ATP8B4: variants seen among roughly 807,000 people sequenced by gnomAD.
The protein encoded by ATP8B4 is probable phospholipid-transporting ATPase IM.
In ATP8B4, 133 loss-of-function variants were observed where a neutral mutation model predicts 145.6. The ratio of observed to expected loss-of-function variants is 0.91; its 90% confidence interval spans 0.79 to 1.05. The LOEUF (loss-of-function observed/expected upper bound fraction) is 1.05. ATP8B4 is among the 50% of genes least tolerant of loss of function. The probability of loss-of-function intolerance (pLI) is 0.00; values close to 1 mark genes in which losing one functional copy is unlikely to be tolerated. For synonymous variants in ATP8B4, 507 were observed against 492.9 expected, an observed-to-expected ratio of 1.03 and a Z score of -0.38; for missense variants, 1,458 against 1,425.2, an observed-to-expected ratio of 1.02 and a Z score of -0.37.
rs552795189 is a variant in ATP8B4, at chr15:49,859,649, G to C, written c.*545C>G. The C allele has an allele frequency of 6.6e-6, 1 of 152,644 alleles. No homozygotes were observed. The highest frequency in any genetic ancestry group is 2.1e-4 in the South Asian group (1 of 4,836). The allele number at this position is 152,644 out of a possible 1,614,324, so 9.5% of individuals were successfully genotyped here. Reference sequence around the variant, plus strand: ...TCTTCAGGCTTGGAAGCCATTTGTTGTCCTGGCTGAACAGACAGGTAGATA... The same window carrying C: ...TCTTCAGGCTTGGAAGCCATTTGTTCTCCTGGCTGAACAGACAGGTAGATA... On this transcript the variant is annotated 3_prime_UTR_variant, in exon 28 of 28. Coordinates refer to ENST00000284509, the MANE Select transcript of ATP8B4 (RefSeq NM_024837.4).
intron 7 of ATP8B4, among the ~76,000 whole-genome samples, chr15:50,005,097 T>C (rs901641237): frequency 6.6e-6 from 1 of 152,190 alleles, no homozygotes; most frequent in Non-Finnish European, 1.5e-5. Flanking sequence ...GAACCACCTA[T>C]CATATGCCCC....
At chr15:49,889,376 C>T (rs1210823361) in intron 23 of ATP8B4, among the ~76,000 whole-genome samples, 2 of 152,156 alleles carry the variant, frequency 1.3e-5, no homozygotes, top group Non-Finnish European at 2.9e-5. Context: ...GTTCTTTGTT[C>T]CCGCTGCTTC....
At chr15:50,056,602 G>A (rs945702401) in intron 3 of ATP8B4, among the ~76,000 whole-genome samples, 1 of 151,946 alleles carries the variant, frequency 6.6e-6, no homozygotes, top group East Asian at 1.9e-4. Context: ...AATCCTTTGG[G>A]CTATGAGAAA....
At chr15:49,934,212 C>A (rs964445400) in intron 14 of ATP8B4, 30 bp from the exon 15 acceptor site, 1 of 1,570,448 alleles carries the variant, frequency 6.4e-7, no homozygotes, top group Non-Finnish European at 8.6e-7. Flanking sequence ...ACAAAAATAA[C>A]CAAAACCTCA....
At chr15:50,017,867 G>A (rs747780657) in intron 6 of ATP8B4, among the ~76,000 whole-genome samples, 2 of 152,206 alleles carry the variant, frequency 1.3e-5, no homozygotes, top group Non-Finnish European at 2.9e-5. Flanking sequence ...TATTAGGTTT[G>A]CAGTAATACT....
intron 8 of ATP8B4, among the ~76,000 whole-genome samples, chr15:49,997,683 T>C (rs1161136741): frequency 1.3e-5 from 2 of 152,144 alleles, no homozygotes; most frequent in Admixed American, 1.3e-4. Context: ...TAACTCATTT[T>C]AGACAGCCAA....
intron 19 of ATP8B4, among the ~76,000 whole-genome samples, chr15:49,918,334 T>C (rs1489053588): frequency 6.6e-6 from 1 of 152,210 alleles, no homozygotes; most frequent in Non-Finnish European, 1.5e-5. Flanking sequence ...GTAGTAGTTA[T>C]TAAAATACCA....
At chr15:50,164,544 C>G (rs1172187018) in intron 1 of ATP8B4, among the ~76,000 whole-genome samples, 1 of 152,158 alleles carries the variant, frequency 6.6e-6, no homozygotes, top group Non-Finnish European at 1.5e-5. Flanking sequence ...CAAACAATCT[C>G]TCTACTGTAC....
chr15:50,074,799 A>G (rs2054072393), intron 2 of ATP8B4, among the ~76,000 whole-genome samples: 1 of 152,216 alleles, frequency 6.6e-6, no homozygotes, highest in Non-Finnish European at 1.5e-5. Flanking sequence ...CAATAAACCT[A>G]AAGATTATGA....
chr15:50,172,996 C>A (rs1201608215), intron 1 of ATP8B4, among the ~76,000 whole-genome samples: 1 of 150,000 alleles, frequency 6.7e-6, no homozygotes, highest in East Asian at 2.0e-4. Flanking sequence ...GGCCAGCCGC[C>A]CCGTCCGGGA....
intron 5 of ATP8B4, among the ~76,000 whole-genome samples, chr15:50,043,178 G>A (rs1454807823): frequency 6.6e-6 from 1 of 152,142 alleles, no homozygotes; most frequent in Non-Finnish European, 1.5e-5. Flanking sequence ...GTTATTGAGG[G>A]GGCACATGCA....
chr15:49,972,507 A>ATT, intron 13 of ATP8B4, 75 bp downstream of exon 13: 1 of 1,405,898 alleles, frequency 7.1e-7, no homozygotes, highest in Non-Finnish European at 9.7e-7. Flanking sequence ...GGATTTTTAA[A>ATT]TTTTTTTTTA....
intron 13 of ATP8B4, among the ~76,000 whole-genome samples, chr15:49,962,515 C>T (rs2044171318): frequency 6.6e-6 from 1 of 152,174 alleles, no homozygotes; most frequent in African/African-American, 2.4e-5. Flanking sequence ...AGTCAGAAAA[C>T]ATAGCCACCC....
intron 13 of ATP8B4, among the ~76,000 whole-genome samples, chr15:49,965,513 C>A (rs1454831582): frequency 6.6e-6 from 1 of 152,140 alleles, no homozygotes; most frequent in Non-Finnish European, 1.5e-5. Flanking sequence ...TGCAAAACGG[C>A]CAGCGTTGGG....
At chr15:50,073,545 A>G (rs1208969045) in intron 3 of ATP8B4, among the ~76,000 whole-genome samples, 1 of 152,218 alleles carries the variant, frequency 6.6e-6, no homozygotes, top group Non-Finnish European at 1.5e-5. Flanking sequence ...TGTTGCAATA[A>G]ACATACATGT....
intron 16 of ATP8B4, 67 bp from the exon 17 acceptor site, chr15:49,923,561 A>C: frequency 8.8e-7 from 1 of 1,139,534 alleles, no homozygotes; most frequent in South Asian, 1.4e-5. Context: ...AGATTCTCCC[A>C]GAGCTCCAGC....
At chr15:49,910,488 G>A (rs2039113390) in intron 20 of ATP8B4, among the ~76,000 whole-genome samples, 1 of 152,108 alleles carries the variant, frequency 6.6e-6, no homozygotes, top group Non-Finnish European at 1.5e-5. Context: ...TGAAATACAG[G>A]AGGCCCAGCA....
chr15:50,027,968 T>C (rs1243434770), intron 6 of ATP8B4, among the ~76,000 whole-genome samples: 2 of 152,238 alleles, frequency 1.3e-5, no homozygotes, highest in Admixed American at 1.3e-4. Context: ...GGACTTACTG[T>C]ATTCTCCATT....
At chr15:50,157,067 C>T (rs573404606) in intron 1 of ATP8B4, among the ~76,000 whole-genome samples, 47 of 152,032 alleles carry the variant, frequency 3.1e-4, no homozygotes, top group African/African-American at 5.1e-4. Flanking sequence ...ACAGATCAAA[C>T]GAAATATTAA....
Sources: gnomAD v4.1 joint callset for allele counts (sites outside exome capture counted in the v4.1 genomes callset) on GRCh38, gnomAD v4.1.1 for gene constraint, MANE v1.5 for transcripts, NCBI Gene and HGNC (gene_info 2026-07-23, HGNC 2026-07-21) for gene names.